The following CEP192 variants were observed in gnomAD, a reference collection of about 807,000 sequenced individuals.
CEP192 encodes centrosomal protein 192.
In CEP192, 151 loss-of-function variants were observed where a neutral mutation model predicts 271.8. The ratio of observed to expected loss-of-function variants is 0.56; its 90% CI spans 0.49 to 0.64. The LOEUF (loss-of-function observed/expected upper bound fraction) is 0.64, where lower values mean the gene tolerates loss of function less well. Among genes scored for constraint, CEP192 ranks in the 30% least tolerant of loss-of-function variants. The pLI is 0.00. For missense variants in CEP192, 2,910 were observed against 3,020.5 expected (o/e 0.96, Z 0.86); for synonymous variants, 995 against 1,076.5 (o/e 0.92, Z 1.48).
At chr18:13,089,065 A>C in intron 32 of CEP192, among the ~76,000 whole-genome samples, 1 of 152,224 alleles carries the variant, frequency 6.6e-6, no homozygotes. Context: ...ATTCTCTGGA[A>C]GGAGCCAGAT....
chr18:13,001,675 T>C, intron 3 of CEP192, 93 bp downstream of exon 3: 1 of 1,198,012 alleles, frequency 8.3e-7, no homozygotes, highest in Non-Finnish European at 1.1e-6. Context: ...ATGTAATTAA[T>C]TCTGATTAAT....
chr18:13,068,738 T>C (rs1033747198), intron 24 of CEP192, 114 bp from the exon 25 acceptor site: 5 of 1,045,230 alleles, frequency 4.8e-6, no homozygotes, highest in Non-Finnish European at 7.1e-6. Context: ...CTTTAAAAAA[T>C]CTGCTTGCCT....
chr18:13,049,931 G>A lies in CEP192; in HGVS notation c.3017+40G>A, dbSNP rs769045022. ...TCTTTTTTAAAAAATAAAAATATGC[G>A]TTCAGTATAGGAACTGGGAAAAAAA... On this transcript the variant is annotated intron_variant, in intron 17 of 44. Transcript: ENST00000506447. 54 of 1,537,768 alleles carry A rather than the reference G, an allele frequency of 3.5e-5. No individual in the cohort carries two copies. The South Asian group carries it at 4.7e-4, about 13-fold the overall frequency.
At chr18:13,030,089 T>A in intron 10 of CEP192, 87 bp downstream of exon 10, 1 of 1,057,682 alleles carries the variant, frequency 9.5e-7, no homozygotes, top group Non-Finnish European at 1.3e-6. Context: ...AATGTGCCAG[T>A]CTTTCCTGTT....
At chr18:13,091,087 C>T (rs562194983) in intron 33 of CEP192, among the ~76,000 whole-genome samples, 13 of 152,328 alleles carry the variant, frequency 8.5e-5, no homozygotes, top group South Asian at 4.1e-4. Flanking sequence ...AGTGCTGTTA[C>T]AGACAGAGCT....
intron 2 of CEP192, among the ~76,000 whole-genome samples, 193 bp downstream of exon 2, chr18:12,999,781 G>C (rs1031217552): frequency 1.3e-5 from 2 of 150,962 alleles, no homozygotes; most frequent in Non-Finnish European, 2.9e-5. Context: ...TCAGTGGGTA[G>C]GTTTGGGTGG....
chr18:13,035,059 G>C (rs999565056), intron 11 of CEP192, among the ~76,000 whole-genome samples: 4 of 152,128 alleles, frequency 2.6e-5, no homozygotes, highest in African/African-American at 9.7e-5. Context: ...AAAAAGTGAA[G>C]TTCTGCTTTC....
intron 30 of CEP192, among the ~76,000 whole-genome samples, chr18:13,083,599 T>C (rs1289854263): frequency 6.6e-6 from 1 of 152,198 alleles, no homozygotes; most frequent in African/African-American, 2.4e-5. Context: ...ATTACCGACC[T>C]TCTGAAGCCT....
At chr18:13,079,224 A>G (rs1184962064) in intron 30 of CEP192, among the ~76,000 whole-genome samples, 2 of 152,200 alleles carry the variant, frequency 1.3e-5, no homozygotes, top group Admixed American at 6.5e-5. Context: ...CTCTTCCACA[A>G]TGATTGAACT....
chr18:12,995,964 G>A (rs1158042203), intron 1 of CEP192, among the ~76,000 whole-genome samples: 3 of 152,184 alleles, frequency 2.0e-5, no homozygotes, highest in East Asian at 1.9e-4. Context: ...TAGAGGAGAC[G>A]AAGTCACAGA....
Position 13,087,862 on chromosome 18 carries a change from C to G in CEP192, c.5993+216C>G, listed in dbSNP as rs186184362. Among the ~76,000 whole-genome samples, 511 of 152,250 alleles carry G rather than the reference C, an allele frequency of 3.4e-3. 4 individuals carry two copies. Among genetic ancestry groups the G allele is most frequent in the Non-Finnish European group, 5.2e-3 (357 of 68,018 alleles). On this transcript the variant is annotated intron_variant, in intron 32 of 44. Transcript: ENST00000506447. ...TCTCCTGTATTTCCTTAGAATGTGC[C>G]TTCTTTTCTAGGTGAATGTATTGTG...
intron 6 of CEP192, 46 bp downstream of exon 6, chr18:13,015,494 C>G: frequency 6.5e-7 from 1 of 1,536,940 alleles, no homozygotes; most frequent in Non-Finnish European, 8.8e-7. Flanking sequence ...CCTTGCCACT[C>G]CACTTTATTC....
intron 26 of CEP192, 47 bp downstream of exon 26, chr18:13,069,228 G>A (rs1475138439): frequency 6.8e-7 from 1 of 1,479,474 alleles, no homozygotes; most frequent in African/African-American, 1.4e-5. Context: ...TCCTCAGACT[G>A]TGAGAGCTCC....
Position 13,030,840 on chromosome 18 carries a change from T to G in CEP192, c.1534+232T>G, listed in dbSNP as rs2035579558. Among the ~76,000 whole-genome samples, 3 of 152,178 alleles carry G rather than the reference T, an allele frequency of 2.0e-5. No homozygotes were observed. The South Asian group carries it at 6.2e-4, about 32-fold the overall frequency. On this transcript the variant is annotated intron_variant, in intron 11 of 44. Coordinates refer to ENST00000506447, the MANE Select transcript of CEP192 (RefSeq NM_032142.4). ...AGCCAATGAGTGAGAATAGCATTTGTATACTACCGTGTAGACCCCATAGTA... is the reference window on the plus strand; with the variant it reads ...AGCCAATGAGTGAGAATAGCATTTGGATACTACCGTGTAGACCCCATAGTA...
intron 17 of CEP192, 137 bp downstream of exon 17, chr18:13,050,028 C>T (rs1029846674): frequency 1.8e-5 from 12 of 675,820 alleles, no homozygotes; most frequent in South Asian, 2.6e-5. Context: ...AATTTCTTTC[C>T]AGCTATTTTT....
chr18:13,116,376 G>T lies in CEP192; in HGVS notation c.7290-1G>T. 6.2e-7 allele frequency: 1 copy of T among 1,611,372 alleles called. No homozygotes were observed. ...AACTTTTACACCTATTCCCAAAGCA[G>T]GCAGCTTGATGTGACTGCTCGTGGA... On this transcript the variant is annotated splice_acceptor_variant, in intron 42 of 44. Coordinates refer to ENST00000506447, the MANE Select transcript of CEP192 (RefSeq NM_032142.4). LOFTEE classifies it high-confidence loss of function.
At chr18:13,048,319 C>T (rs1401460147) in intron 15 of CEP192, among the ~76,000 whole-genome samples, 1 of 152,092 alleles carries the variant, frequency 6.6e-6, no homozygotes, top group Non-Finnish European at 1.5e-5. Flanking sequence ...ACTTGTTGCC[C>T]GTTAGTCACT....
At chr18:13,034,396 A>G (rs1222262504) in intron 11 of CEP192, among the ~76,000 whole-genome samples, 1 of 152,206 alleles carries the variant, frequency 6.6e-6, no homozygotes, top group Non-Finnish European at 1.5e-5. Context: ...TAAAAATGTA[A>G]TAAAAGGAGA....
chr18:12,999,557 C>G lies in CEP192; in HGVS notation c.133C>G (p.Leu45Val), dbSNP rs1456546964. The change falls in exon 2 of 45, where the codon CTT (leucine) becomes GTT (valine). Residue 45 changes from leucine to valine, a missense_variant. Transcript: ENST00000506447. ...TGGCTTGCCTGTTGCTGTTTCTACA[C>G]TTGCTAGGGATAGATCCAGCACTGA... ...NLGLPVAVST[L>V]ARDRSSTDNR... is the part of the protein sequence containing the mutation. 1.3e-6 allele frequency: 2 copies of G among 1,550,220 alleles called. No homozygotes were observed. The highest frequency in any genetic ancestry group is 2.7e-5 in the African/African-American group (2 of 73,006).
Sources: allele counts gnomAD v4.1 joint callset (sites outside exome capture counted in the v4.1 genomes callset), GRCh38; gene constraint gnomAD v4.1.1; transcripts MANE v1.5; gene names NCBI Gene and HGNC (gene_info 2026-07-23, HGNC 2026-07-21).